The following TUSC3 variants were observed in gnomAD, a reference collection of about 807,000 sequenced individuals.
TUSC3 encodes the protein dolichyl-diphosphooligosaccharide--protein glycosyltransferase subunit TUSC3.
TUSC3 carries 45 observed loss-of-function variants against 44.8 expected under a neutral mutation model. The observed-to-expected ratio is 1.00, with a 90% CI of 0.79 to 1.29. The LOEUF (loss-of-function observed/expected upper bound fraction) is 1.29. Among genes scored for constraint, TUSC3 ranks in the 50% most tolerant of loss-of-function variants. The probability of loss-of-function intolerance (pLI) is 0.00; values close to 1 mark genes in which losing one functional copy is unlikely to be tolerated. For missense variants in TUSC3, 519 were observed against 437.9 expected, an observed-to-expected ratio of 1.19 and a Z score of -1.65; for synonymous variants, 212 against 152.9, an observed-to-expected ratio of 1.39 and a Z score of -2.85.
At chr8:15,759,940 C>G (rs1160849494) in intron 10 of TUSC3, among the ~76,000 whole-genome samples, 19 of 152,086 alleles carry the variant, frequency 1.2e-4, no homozygotes, top group Admixed American at 1.2e-3. Flanking sequence ...TCATCCTCAT[C>G]CTTCTTTATG....
intron 9 of TUSC3, among the ~76,000 whole-genome samples, chr8:15,750,632 C>T (rs1172378123): frequency 6.6e-6 from 1 of 151,540 alleles, no homozygotes; most frequent in Non-Finnish European, 1.5e-5. Context: ...TAGAAACTAC[C>T]CAGAAAGCTT....
intron 1 of TUSC3, among the ~76,000 whole-genome samples, chr8:15,555,316 A>G (rs1228084015): frequency 9.9e-6 from 1 of 101,450 alleles, no homozygotes; most frequent in African/African-American, 4.3e-5. Flanking sequence ...TTTTTTAAAG[A>G]CATGGTCTTG....
At chr8:15,622,388 C>T (rs779190022) in intron 1 of TUSC3, among the ~76,000 whole-genome samples, 2 of 151,786 alleles carry the variant, frequency 1.3e-5, no homozygotes, top group African/African-American at 4.8e-5. Context: ...CCACCTTGGT[C>T]TCCCAAAGTG....
chr8:15,834,122 C>T, the TUSC3 span, among the ~76,000 whole-genome samples: 517 of 152,126 alleles, frequency 3.4e-3, 1 homozygote, highest in Admixed American at 5.8e-3. Flanking sequence ...CTTTCTTTTT[C>T]ACGTTGTCTA....
chr8:15,734,590 A>C (rs527990604), intron 7 of TUSC3, among the ~76,000 whole-genome samples: 1 of 152,274 alleles, frequency 6.6e-6, no homozygotes, highest in African/African-American at 2.4e-5. Context: ...TCTAATGCAA[A>C]TGTGAATGAG....
At chr8:15,540,225 CT>C, upstream of TUSC3, 1 of 701,332 alleles carries the variant, frequency 1.4e-6, no homozygotes, top group Non-Finnish European at 2.1e-6. Context: ...CATCCCGCGC[CT>C]TTCCAGGTCT....
intron 2 of TUSC3, among the ~76,000 whole-genome samples, chr8:15,524,207 A>T (rs1035157791): frequency 7.9e-5 from 12 of 152,112 alleles, no homozygotes; most frequent in Non-Finnish European, 1.5e-5. Context: ...GTGAATTCTT[A>T]AAAATACAAA....
At chr8:15,673,619 T>C in intron 5 of TUSC3, 128 bp from the exon 6 acceptor site, 1 of 794,306 alleles carries the variant, frequency 1.3e-6, no homozygotes, top group South Asian at 1.5e-5. Context: ...ATAAGTGAAA[T>C]TTTTTAAAAT....
chr8:15,437,483 T>A (rs1182583678), intron 1 of TUSC3, among the ~76,000 whole-genome samples: 3 of 152,202 alleles, frequency 2.0e-5, no homozygotes, highest in African/African-American at 7.2e-5. Context: ...CTATTAATAT[T>A]TGGTTTGAAT....
chr8:15,655,975 C>T (rs1248215372), intron 3 of TUSC3, among the ~76,000 whole-genome samples: 1 of 151,968 alleles, frequency 6.6e-6, no homozygotes. Flanking sequence ...CCTAGGAATC[C>T]CTTTGGAAGG....
chr8:15,519,098 G>C (rs17473808), intron 2 of TUSC3, among the ~76,000 whole-genome samples: 2,410 of 152,210 alleles, frequency 0.016, 35 homozygotes, highest in South Asian at 0.03. Flanking sequence ...TGCTCACTCT[G>C]ATATACACAT....
upstream of TUSC3, among the ~76,000 whole-genome samples, chr8:15,536,575 G>A (rs1223702572): frequency 2.0e-5 from 3 of 150,956 alleles, no homozygotes; most frequent in Non-Finnish European, 3.0e-5. Context: ...CCAGCTACTC[G>A]GGAGGCTGAG....
At chr8:15,509,066 AG>A (rs1801097939) in intron 2 of TUSC3, among the ~76,000 whole-genome samples, 2 of 152,202 alleles carry the variant, frequency 1.3e-5, no homozygotes. Flanking sequence ...AACTGCTTTG[AG>A]GAATGAGAGA....
In TUSC3 at chr8:15,589,060, C is replaced by T. The variant is rs186497750; in HGVS notation, c.139-34020C>T. 4.0e-4 allele frequency among the ~76,000 whole-genome samples: 61 copies of T among 152,104 alleles called. 1 individual carries two copies. In the East Asian group the frequency reaches 5.2e-3, roughly 13 times the overall value. ...CGGAGTGCAGTTTATCATTATGCAA[C>T]GACTTTCTTTGTCTCTTCTTATTTT... On this transcript the variant is annotated intron_variant, in intron 1 of 10. Transcript: ENST00000503731.
chr8:15,737,302 C>T (rs1475285080), intron 7 of TUSC3, among the ~76,000 whole-genome samples: 1 of 152,068 alleles, frequency 6.6e-6, no homozygotes, highest in Non-Finnish European at 1.5e-5. Context: ...AAATTGAAAA[C>T]ATCTTGATTC....
chr8:15,823,829 T>G, the TUSC3 span, among the ~76,000 whole-genome samples: 1 of 152,172 alleles, frequency 6.6e-6, no homozygotes, highest in Non-Finnish European at 1.5e-5. Context: ...CTTATTGGTA[T>G]ATGAGCAGTA....
At chr8:15,805,793 G>A in the TUSC3 span, among the ~76,000 whole-genome samples, 1 of 152,054 alleles carries the variant, frequency 6.6e-6, no homozygotes, top group African/African-American at 2.4e-5. Context: ...TGTGTCCTGT[G>A]AGGTTTTTGT....
the TUSC3 span, among the ~76,000 whole-genome samples, chr8:15,775,773 TATATC>T: frequency 7.3e-6 from 1 of 137,070 alleles, no homozygotes; most frequent in African/African-American, 2.7e-5. Flanking sequence ...TATATATATA[TATATC>T]TTCCGTAATA....
chr8:15,777,390 A>G, the TUSC3 span, among the ~76,000 whole-genome samples: 1 of 152,156 alleles, frequency 6.6e-6, no homozygotes, highest in South Asian at 2.1e-4. Flanking sequence ...TGTGTTACCT[A>G]TAAAGGGAGA....
Sources: allele counts gnomAD v4.1 joint callset (sites outside exome capture counted in the v4.1 genomes callset), GRCh38; gene constraint gnomAD v4.1.1; transcripts MANE v1.5; gene names NCBI Gene and HGNC (gene_info 2026-07-23, HGNC 2026-07-21).